The following TK2 variants were observed in gnomAD, a reference collection of about 807,000 sequenced individuals.
TK2 encodes thymidine kinase 2, mitochondrial.
A neutral mutation model predicts 41.9 loss-of-function variants in TK2; 35 were observed. That is an observed-to-expected ratio of 0.84 (90% CI 0.64 to 1.11). The LOEUF (loss-of-function observed/expected upper bound fraction) is 1.11, where lower values mean the gene tolerates loss of function less well. Among genes scored for constraint, TK2 ranks in the 50% least tolerant of loss-of-function variants. The pLI, the probability that TK2 is intolerant of heterozygous loss-of-function variation, is 0.00. For missense variants in TK2, 320 were observed against 351.1 expected, an observed-to-expected ratio of 0.91 and a Z score of 0.71; for synonymous variants, 128 against 129.1, an observed-to-expected ratio of 0.99 and a Z score of 0.06.
At chr16:66,516,632 G>A (rs1964623006) in intron 8 of TK2, among the ~76,000 whole-genome samples, 1 of 152,138 alleles carries the variant, frequency 6.6e-6, no homozygotes, top group Non-Finnish European at 1.5e-5. Context: ...GAGTCAGTGT[G>A]GCCTGAGCAG....
chr16:66,542,451 A>G (rs779484657), intron 2 of TK2, among the ~76,000 whole-genome samples: 7 of 152,256 alleles, frequency 4.6e-5, no homozygotes, highest in Non-Finnish European at 1.0e-4. Flanking sequence ...GACTTTGTTA[A>G]GCACCTTGTC....
intron 2 of TK2, chr16:66,548,689 C>A (rs1408269955): frequency 2.5e-6 from 1 of 402,168 alleles, no homozygotes; most frequent in South Asian, 2.9e-5. Flanking sequence ...ACACAATGAG[C>A]GTTTTTCAAA....
intron 6 of TK2, among the ~76,000 whole-genome samples, chr16:66,522,375 G>C (rs534643565): frequency 6.6e-6 from 1 of 152,346 alleles, no homozygotes; most frequent in Admixed American, 6.5e-5. Context: ...CCACAGGTGA[G>C]TCAGCATGCC....
At chr16:66,525,695 C>T (rs1448648513) in intron 6 of TK2, among the ~76,000 whole-genome samples, 1 of 152,178 alleles carries the variant, frequency 6.6e-6, no homozygotes, top group African/African-American at 2.4e-5. Flanking sequence ...TTCAAGAGAT[C>T]CCAGTGATGG....
intron 6 of TK2, among the ~76,000 whole-genome samples, chr16:66,519,270 C>A (rs1964709115): frequency 6.6e-6 from 1 of 152,112 alleles, no homozygotes; most frequent in African/African-American, 2.4e-5. Context: ...TCTCCGCCTC[C>A]TAGGTTCAAG....
At chr16:66,533,520 A>G (rs1299013692) in intron 4 of TK2, among the ~76,000 whole-genome samples, 1 of 152,046 alleles carries the variant, frequency 6.6e-6, no homozygotes, top group Non-Finnish European at 1.5e-5. Flanking sequence ...ACTGCACTCC[A>G]GCTTGGGTGA....
In TK2 at chr16:66,531,456, T is replaced by C; in HGVS notation, c.299A>G (p.His100Arg). ...CGTAAGACCCCAGCGAGAGGCATCGTGGTACATCAGGCCCTGCAGAAGGGA... is the reference window on the plus strand; with the variant it reads ...CGTAAGACCCCAGCGAGAGGCATCGCGGTACATCAGGCCCTGCAGAAGGGA... Reference protein sequence around the residue: ...RGHNPLGLMYHDASRWGLTLQ... With the variant: ...RGHNPLGLMYRDASRWGLTLQ... Residue 100 changes from histidine to arginine, a missense_variant, in exon 5 of 10, where the codon CAC becomes CGC. Physicochemically the swap from His to Arg is conservative, Grantham distance 29. Transcript: ENST00000544898. 1 of 1,614,100 alleles carries C rather than the reference T, an allele frequency of 6.2e-7. No homozygotes were observed. Among genetic ancestry groups the C allele is most frequent in the Non-Finnish European group, 8.5e-7 (1 of 1,180,024 alleles).
chr16:66,530,631 G>C (rs1454375323), intron 5 of TK2, among the ~76,000 whole-genome samples: 1 of 152,036 alleles, frequency 6.6e-6, no homozygotes, highest in African/African-American at 2.4e-5. Context: ...TCACCTGGAG[G>C]GCTTGATAAA....
intron 6 of TK2, among the ~76,000 whole-genome samples, chr16:66,524,668 C>T (rs1302972251): frequency 6.6e-6 from 1 of 152,176 alleles, no homozygotes; most frequent in African/African-American, 2.4e-5. Flanking sequence ...CCGTATTCCT[C>T]AAAGTGTGAT....
intron 2 of TK2, among the ~76,000 whole-genome samples, chr16:66,542,190 T>C (rs953780086): frequency 6.6e-6 from 1 of 152,108 alleles, no homozygotes; most frequent in Admixed American, 6.5e-5. Flanking sequence ...AGATCCTCCT[T>C]TACGTCAACT....
intron 8 of TK2, among the ~76,000 whole-genome samples, chr16:66,515,815 G>A (rs779531700): frequency 2.6e-5 from 4 of 152,194 alleles, no homozygotes; most frequent in Non-Finnish European, 4.4e-5. Flanking sequence ...CCAGAGTGAC[G>A]CCTGGGCCCT....
intron 2 of TK2, among the ~76,000 whole-genome samples, chr16:66,544,011 A>C (rs1255781629): frequency 6.6e-6 from 1 of 152,138 alleles, no homozygotes; most frequent in Non-Finnish European, 1.5e-5. Flanking sequence ...CTCTTCCTAG[A>C]TATATAAAAA....
At chr16:66,516,580 C>T (rs898812843) in intron 8 of TK2, among the ~76,000 whole-genome samples, 4 of 152,088 alleles carry the variant, frequency 2.6e-5, no homozygotes, top group Admixed American at 2.0e-4. Context: ...AGGGCCAGGG[C>T]GAGATGCACA....
intron 2 of TK2, 93 bp from the exon 3 acceptor site, chr16:66,542,046 C>A: frequency 7.3e-7 from 1 of 1,362,592 alleles, no homozygotes; most frequent in Non-Finnish European, 1.0e-6. Context: ...ATGTAACCAG[C>A]ATAATTGGTT....
At chr16:66,529,326 C>T (rs926872572) in intron 5 of TK2, among the ~76,000 whole-genome samples, 35 of 152,326 alleles carry the variant, frequency 2.3e-4, no homozygotes, top group African/African-American at 7.7e-4. Context: ...CCAGCAATGC[C>T]GAGGCTGAGG....
chr16:66,542,030 G>A (rs926563349), intron 2 of TK2, 77 bp from the exon 3 acceptor site: 23 of 1,481,970 alleles, frequency 1.6e-5, no homozygotes, highest in Admixed American at 5.0e-5. Flanking sequence ...GCTACGGAAA[G>A]GGCTCATGTA....
At chr16:66,536,544 C>G (rs1041867108) in intron 4 of TK2, among the ~76,000 whole-genome samples, 2 of 152,128 alleles carry the variant, frequency 1.3e-5, no homozygotes, top group African/African-American at 4.8e-5. Context: ...TGTTACCAGA[C>G]AGGGCCAAGT....
intron 1 of TK2, 80 bp downstream of exon 1, chr16:66,549,858 G>C: frequency 7.8e-7 from 1 of 1,286,932 alleles, no homozygotes; most frequent in Non-Finnish European, 9.8e-7. Flanking sequence ...TTCGGGCTCG[G>C]GCGGGTTCCG....
At chr16:66,531,722 G>T (rs546126341) in intron 4 of TK2, among the ~76,000 whole-genome samples, 2 of 152,272 alleles carry the variant, frequency 1.3e-5, no homozygotes, top group Admixed American at 1.3e-4. Context: ...AATTAGGCCA[G>T]ACAAAGAAAT....
Sources: allele counts gnomAD v4.1 joint callset (sites outside exome capture counted in the v4.1 genomes callset), GRCh38; gene constraint gnomAD v4.1.1; transcripts MANE v1.5; gene names NCBI Gene and HGNC (gene_info 2026-07-23, HGNC 2026-07-21).